The following AGMO variants were observed in gnomAD, a reference collection of about 807,000 sequenced individuals.
AGMO encodes alkylglycerol monooxygenase.
Under a neutral mutation model 60.2 loss-of-function variants are expected in AGMO, and 75 were observed. The observed-to-expected ratio is 1.25, with a 90% confidence interval of 1.03 to 1.51. The LOEUF (loss-of-function observed/expected upper bound fraction) is 1.51, where lower values mean the gene tolerates loss of function less well. AGMO is among the 40% of genes most tolerant of loss of function. The probability of loss-of-function intolerance (pLI) is 0.00; values close to 1 mark genes in which losing one functional copy is unlikely to be tolerated. For synonymous variants in AGMO, 261 were observed against 177.1 expected (o/e 1.47, Z -3.76); for missense variants, 763 against 525.5 (o/e 1.45, Z -4.42).
intron 3 of AGMO, among the ~76,000 whole-genome samples, chr7:15,492,631 T>TTAA: frequency 6.6e-6 from 1 of 151,924 alleles, no homozygotes; most frequent in Non-Finnish European, 1.5e-5. Context: ...TATTAATTAA[T>TTAA]TTTTTACTAG....
In AGMO at chr7:15,393,564, A is replaced by G. The variant is rs147840359; in HGVS notation, c.676+549T>C. Among the ~76,000 whole-genome samples, 177 of 152,332 alleles carry G rather than the reference A, an allele frequency of 1.2e-3. 1 individual carries two copies. Among genetic ancestry groups the G allele is most frequent in the Non-Finnish European group, 2.1e-3 (142 of 68,032 alleles). On this transcript the variant is annotated intron_variant, in intron 6 of 12. Transcript: ENST00000342526. Reference sequence around the variant, plus strand: ...ATATAGGGCTTGGGGTACACAATGTAAACATTTTTGTTGTTACTTAAGTTG... The same window carrying G: ...ATATAGGGCTTGGGGTACACAATGTGAACATTTTTGTTGTTACTTAAGTTG...
Position 15,561,986 on chromosome 7 carries a change from C to G in AGMO, c.-141G>C, listed in dbSNP as rs544267436. 1.3e-6 allele frequency: 1 copy of G among 753,708 alleles called. No individual in the cohort carries two copies. The highest frequency in any genetic ancestry group is 2.8e-5 in the East Asian group (1 of 35,954). 46.7% of individuals were successfully genotyped at this position (753,708 alleles called of 1,614,324 possible). On this transcript the variant is annotated 5_prime_UTR_variant, in exon 1 of 13. Coordinates refer to ENST00000342526, the MANE Select transcript of AGMO (RefSeq NM_001004320.2). ...GCTAAAACCAAAGCTCCACTGAGAG[C>G]ACACTCAACAGCCGATTCTGTGTAG...
intron 3 of AGMO, among the ~76,000 whole-genome samples, chr7:15,461,296 A>G (rs1033670274): frequency 4.6e-5 from 7 of 151,958 alleles, no homozygotes; most frequent in South Asian, 2.1e-4. Context: ...TTAACCTTCC[A>G]TATGTAAAAA....
At chr7:15,492,497 T>C (rs1367999105) in intron 3 of AGMO, among the ~76,000 whole-genome samples, 3 of 152,104 alleles carry the variant, frequency 2.0e-5, no homozygotes, top group Admixed American at 1.3e-4. Flanking sequence ...ATTGTGTCCT[T>C]AGGTGCTTGT....
At chr7:15,449,368 G>A (rs534593681) in intron 3 of AGMO, among the ~76,000 whole-genome samples, 36 of 150,642 alleles carry the variant, frequency 2.4e-4, no homozygotes, top group African/African-American at 7.1e-4. Flanking sequence ...CTCTGTACAT[G>A]TATAAACATA....
chr7:15,384,310 T>C (rs1783824150), intron 10 of AGMO, among the ~76,000 whole-genome samples: 1 of 152,118 alleles, frequency 6.6e-6, no homozygotes, highest in African/African-American at 2.4e-5. Flanking sequence ...GCTAGTTATA[T>C]TTTTATATTT....
intron 8 of AGMO, 34 bp downstream of exon 8, chr7:15,390,637 T>C (rs758794682): frequency 6.2e-6 from 9 of 1,442,574 alleles, no homozygotes; most frequent in Non-Finnish European, 1.9e-6. Context: ...TGAAATGATA[T>C]AAATGAAGAA....
At chr7:15,442,234 C>T (rs1583556887) in intron 3 of AGMO, among the ~76,000 whole-genome samples, 1 of 152,232 alleles carries the variant, frequency 6.6e-6, no homozygotes, top group East Asian at 1.9e-4. Context: ...TCTGTCTGTG[C>T]ATTTAGAAAC....
chr7:15,520,830 G>A (rs1055952411), intron 3 of AGMO, among the ~76,000 whole-genome samples: 11 of 152,144 alleles, frequency 7.2e-5, no homozygotes, highest in Admixed American at 6.5e-5. Flanking sequence ...ACTAGCAGAG[G>A]ACAAGAAATA....
chr7:15,393,024 C>G (rs919135184), intron 6 of AGMO, among the ~76,000 whole-genome samples: 1 of 152,180 alleles, frequency 6.6e-6, no homozygotes. Flanking sequence ...TATATGGGTT[C>G]TCAAGGTATG....
At chr7:15,337,255 A>C (rs1781692468) in intron 12 of AGMO, among the ~76,000 whole-genome samples, 1 of 152,234 alleles carries the variant, frequency 6.6e-6, no homozygotes, top group Non-Finnish European at 1.5e-5. Context: ...AAAGACTGGA[A>C]TAATGCAGGA....
intron 10 of AGMO, among the ~76,000 whole-genome samples, chr7:15,382,032 G>A (rs1015282621): frequency 6.6e-6 from 1 of 152,020 alleles, no homozygotes; most frequent in Non-Finnish European, 1.5e-5. Context: ...GAGGGTGGAG[G>A]GTGGGAGGAG....
At chr7:15,185,885 C>T in the AGMO span, among the ~76,000 whole-genome samples, 1 of 152,172 alleles carries the variant, frequency 6.6e-6, no homozygotes, top group Non-Finnish European at 1.5e-5. Flanking sequence ...TCGAGGTATG[C>T]TTTCTTCTCA....
intron 5 of AGMO, among the ~76,000 whole-genome samples, chr7:15,414,078 G>C (rs1780689472): frequency 1.3e-5 from 2 of 151,926 alleles, no homozygotes; most frequent in African/African-American, 4.8e-5. Flanking sequence ...TGTGATCTCG[G>C]TTCACTGCAA....
chr7:15,209,564 C>G (rs76616267), intron 12 of AGMO, among the ~76,000 whole-genome samples: 1 of 152,080 alleles, frequency 6.6e-6, no homozygotes, highest in Non-Finnish European at 1.5e-5. Context: ...TCCCAGCATA[C>G]GCTAATAGAA....
intron 3 of AGMO, among the ~76,000 whole-genome samples, chr7:15,505,799 C>T (rs546706991): frequency 2.0e-5 from 3 of 151,942 alleles, no homozygotes; most frequent in Admixed American, 6.6e-5. Flanking sequence ...ATAACAGAGT[C>T]TAAGAAATCC....
intron 3 of AGMO, among the ~76,000 whole-genome samples, chr7:15,499,948 A>AT (rs1783334986): frequency 6.8e-6 from 1 of 147,672 alleles, no homozygotes; most frequent in Non-Finnish European, 1.5e-5. Context: ...TATATATAAT[A>AT]TATATATTTT....
At chr7:15,133,499 G>C in the AGMO span, among the ~76,000 whole-genome samples, 2 of 50,456 alleles carry the variant, frequency 4.0e-5, no homozygotes, top group Non-Finnish European at 1.0e-4. Flanking sequence ...AATACCATTA[G>C]CTGGAGGCTA....
At chr7:15,502,457 C>T (rs1230658454) in intron 3 of AGMO, among the ~76,000 whole-genome samples, 1 of 151,960 alleles carries the variant, frequency 6.6e-6, no homozygotes, top group Non-Finnish European at 1.5e-5. Context: ...TTAAAATTAT[C>T]AAAGCAGTGG....
Sources: allele counts gnomAD v4.1 joint callset (sites outside exome capture counted in the v4.1 genomes callset), GRCh38; gene constraint gnomAD v4.1.1; transcripts MANE v1.5; gene names NCBI Gene and HGNC (gene_info 2026-07-23, HGNC 2026-07-21).